LRRC73: variants seen among roughly 807,000 people sequenced by gnomAD.
The protein encoded by LRRC73 is leucine rich repeat containing 73, also known as leucine-rich repeat-containing protein 73.
Under a neutral mutation model 26.4 loss-of-function variants are expected in LRRC73, and 16 were observed. That is an observed-to-expected ratio of 0.61 (90% CI 0.41 to 0.92). The LOEUF (loss-of-function observed/expected upper bound fraction) is 0.92, where lower values mean the gene tolerates loss of function less well. Ranked by LOEUF, LRRC73 falls within the 40% of genes least tolerant of loss-of-function variation. LRRC73 has a pLI of 0.00. For synonymous variants in LRRC73, 210 were observed against 179.8 expected (o/e 1.17, Z -1.34); for missense variants, 344 against 416.3 (o/e 0.83, Z 1.51).
chr6:43,508,866 C>A (rs1168402116), exon 2 of LRRC73: 1 of 1,612,678 alleles, frequency 6.2e-7, no homozygotes, highest in South Asian at 1.1e-5. Flanking sequence ...GGTGGAGGGC[C>A]AGGGCTGGGT....
chr6:43,508,545 G>T, intron 2 of LRRC73, 125 bp from the exon 3 acceptor site: 1 of 1,466,890 alleles, frequency 6.8e-7, no homozygotes, highest in Non-Finnish European at 9.2e-7. Flanking sequence ...CCACCATAGA[G>T]GTCAAGAGCC....
At chr6:43,507,197 A>ACAT (rs761577929) in exon 6 of LRRC73, 15 of 1,606,694 alleles carry the variant, frequency 9.3e-6, no homozygotes, top group Non-Finnish European at 1.3e-5. Context: ...GGTGCTCGGG[A>ACAT]CATAGATAAG....
At chr6:43,510,045 G>A (rs971100469) in exon 1 of LRRC73, 33 of 282,108 alleles carry the variant, frequency 1.2e-4, no homozygotes, top group African/African-American at 4.9e-4. Flanking sequence ...GAAGTGGGGC[G>A]GCGCTGGGGC....
intron 1 of LRRC73, 34 bp from the exon 2 acceptor site, chr6:43,508,954 TC>T: frequency 6.5e-7 from 1 of 1,527,624 alleles, no homozygotes; most frequent in Admixed American, 2.0e-5. Flanking sequence ...GTTACTGCAG[TC>T]CTCCGCACTA....
chr6:43,509,700 G>T, exon 1 of LRRC73: 1 of 1,591,218 alleles, frequency 6.3e-7, no homozygotes, highest in Non-Finnish European at 8.5e-7. Flanking sequence ...CAGGCGCACG[G>T]CGTTGTCGCG....
intron 4 of LRRC73, 42 bp downstream of exon 4, chr6:43,507,784 C>T (rs370449417): frequency 4.0e-5 from 64 of 1,602,006 alleles, no homozygotes; most frequent in African/African-American, 9.4e-5. Flanking sequence ...AACTAACCTC[C>T]ACCCCATCCC....
Position 43,507,819 on chromosome 6 carries a change from T to C in LRRC73, c.657+7A>G, listed in dbSNP as rs765074147. 2.5e-6 allele frequency: 4 copies of C among 1,613,444 alleles called. No individual in the cohort carries two copies. Among genetic ancestry groups the C allele is most frequent in the Non-Finnish European group, 2.5e-6 (3 of 1,179,602 alleles). On this transcript the variant is annotated splice_region_variant and intron_variant, in intron 4 of 5. Coordinates refer to ENST00000372441, the Ensembl canonical transcript of LRRC73. ...CCTGGCCGTGCCCAAACATGACGACTTCCCACCTGAGCTGACTGGTTGGTG... is the reference window on the plus strand; with the variant it reads ...CCTGGCCGTGCCCAAACATGACGACCTCCCACCTGAGCTGACTGGTTGGTG...
chr6:43,507,347 TC>T (rs760520479), intron 5 of LRRC73, 39 bp from the exon 6 acceptor site: 1 of 1,612,270 alleles, frequency 6.2e-7, no homozygotes, highest in Non-Finnish European at 8.5e-7. Context: ...CACCATTCCT[TC>T]CTCCAATGGG....
At chr6:43,508,321 A>T (rs1344216194) in exon 3 of LRRC73, 1 of 1,613,022 alleles carries the variant, frequency 6.2e-7, no homozygotes, top group Non-Finnish European at 8.5e-7. Flanking sequence ...ATCCAGATTG[A>T]GGACGCGGAC....
rs1399288794 is a variant in LRRC73 at position 43,508,692 on chromosome 6, C to A, written c.433+68G>T. ...TCATCAGAGCTCTGGGGCCACACCC[C>A]CTTCCCTCTGCATTTCGATTTTCAT... On this transcript the variant is annotated intron_variant, in intron 2 of 5. Transcript: ENST00000372441. 32 of 1,530,626 alleles carry A rather than the reference C, an allele frequency of 2.1e-5. No homozygotes were observed. In the East Asian group the frequency reaches 7.0e-4, roughly 34 times the overall value. The allele number at this position is 1,530,626 out of a possible 1,614,324, so 94.8% of individuals were successfully genotyped here.
At chr6:43,508,613 C>T in intron 2 of LRRC73, 147 bp downstream of exon 2, 3 of 1,382,998 alleles carry the variant, frequency 2.2e-6, no homozygotes, top group South Asian at 1.3e-5. Context: ...AGTCTCCATG[C>T]TGCCCCCCGT....
intron 2 of LRRC73, 115 bp downstream of exon 2, chr6:43,508,645 T>A: frequency 6.9e-7 from 1 of 1,446,914 alleles, no homozygotes; most frequent in Non-Finnish European, 9.4e-7. Flanking sequence ...CTGAGAGGAG[T>A]AGAAAGATGT....
At chr6:43,509,777 G>C in exon 1 of LRRC73, 1 of 1,550,554 alleles carries the variant, frequency 6.4e-7, no homozygotes, top group South Asian at 1.2e-5. Context: ...GGATGGAGCT[G>C]GGCAGCATCG....
At chr6:43,508,153 G>T (rs960104520) in intron 3 of LRRC73, 145 bp downstream of exon 3, 3 of 1,271,790 alleles carry the variant, frequency 2.4e-6, no homozygotes, top group South Asian at 1.6e-5. Flanking sequence ...CACCTGGTCC[G>T]CCACAAAGCT....
chr6:43,508,630 C>T, intron 2 of LRRC73, 130 bp downstream of exon 2: 1 of 1,429,050 alleles, frequency 7.0e-7, no homozygotes, highest in Non-Finnish European at 9.5e-7. Context: ...CCGTCCTGCC[C>T]CTTCCTGAGA....
chr6:43,507,500 G>A (rs572028859), exon 5 of LRRC73: 3 of 1,613,202 alleles, frequency 1.9e-6, no homozygotes, highest in African/African-American at 1.3e-5. Flanking sequence ...GTGGGCAGCA[G>A]GCTCCCGCCC....
At chr6:43,507,386 C>T in intron 5 of LRRC73, 70 bp downstream of exon 5, 1 of 1,608,522 alleles carries the variant, frequency 6.2e-7, no homozygotes, top group South Asian at 1.1e-5. Context: ...AGCCTAGGTT[C>T]TGCACACCCA....
exon 4 of LRRC73, chr6:43,507,922 G>A (rs1368514404): frequency 6.2e-7 from 1 of 1,613,738 alleles, no homozygotes; most frequent in South Asian, 1.1e-5. Flanking sequence ...CTGCCACATG[G>A]TCACCTGGGG....
exon 2 of LRRC73, chr6:43,508,877 TCAGCAAGGC>T: frequency 6.2e-7 from 1 of 1,612,132 alleles, no homozygotes; most frequent in Non-Finnish European, 8.5e-7. Flanking sequence ...AGGGCTGGGT[TCAGCAAGGC>T]CAGCCCCGCA....
Sources: allele counts gnomAD v4.1 joint callset, GRCh38; gene constraint gnomAD v4.1.1; transcripts MANE v1.5; gene names NCBI Gene and HGNC (gene_info 2026-07-23, HGNC 2026-07-21).